The following KCNH8 variants were observed in gnomAD, a reference collection of about 807,000 sequenced individuals.
KCNH8 encodes potassium voltage-gated channel subfamily H member 8.
A neutral mutation model predicts 103.6 loss-of-function variants in KCNH8; 70 were observed. The observed-to-expected ratio is 0.68, with a 90% CI of 0.56 to 0.82. The LOEUF (loss-of-function observed/expected upper bound fraction) is 0.82, where lower values mean the gene tolerates loss of function less well. Among genes scored for constraint, KCNH8 ranks in the 40% least tolerant of loss-of-function variants. KCNH8 has a pLI of 0.00. For missense variants in KCNH8, 1,217 were observed against 1,329.9 expected (o/e 0.92, Z 1.32); for synonymous variants, 498 against 489.4 (o/e 1.02, Z -0.23).
chr3:19,450,963 T>C, intron 9 of KCNH8, 192 bp from the exon 10 acceptor site: 1 of 602,754 alleles, frequency 1.7e-6, no homozygotes, highest in Non-Finnish European at 2.9e-6. Context: ...TATCAGCTGA[T>C]TATTCAGTAG....
chr3:19,152,902 C>T (rs2063144257), intron 1 of KCNH8, among the ~76,000 whole-genome samples: 1 of 151,766 alleles, frequency 6.6e-6, no homozygotes, highest in African/African-American at 2.4e-5. Flanking sequence ...TGCCCCTGCA[C>T]TCCAGCCTGG....
intron 2 of KCNH8, among the ~76,000 whole-genome samples, chr3:19,259,300 A>G (rs1015401691): frequency 3.3e-5 from 5 of 151,790 alleles, no homozygotes; most frequent in Admixed American, 6.6e-5. Flanking sequence ...ACTAACTTCA[A>G]ATAGAAGGCA....
chr3:19,148,650 C>T lies in KCNH8; in HGVS notation c.-70C>T, dbSNP rs2125176066. 1.3e-6 allele frequency: 2 copies of T among 1,490,188 alleles called. No individual in the cohort carries two copies. Among genetic ancestry groups the T allele is most frequent in the East Asian group, 2.3e-5 (1 of 44,380 alleles). 92.3% of individuals were successfully genotyped at this position (1,490,188 alleles called of 1,614,324 possible). On this transcript the variant is annotated 5_prime_UTR_variant, in exon 1 of 16. Coordinates refer to ENST00000328405, the MANE Select transcript of KCNH8 (RefSeq NM_144633.3). ...CGTCATCAGGTTCCCCTTCTCCCTTCTTGGCACTTTCCTTTCGAACCATCC... is the reference window on the plus strand; with the variant it reads ...CGTCATCAGGTTCCCCTTCTCCCTTTTTGGCACTTTCCTTTCGAACCATCC...
chr3:19,414,364 A>G (rs2066830918), intron 7 of KCNH8, among the ~76,000 whole-genome samples: 1 of 152,124 alleles, frequency 6.6e-6, no homozygotes, highest in Admixed American at 6.6e-5. Flanking sequence ...AATTTAAAAT[A>G]GAAAACATAC....
intron 5 of KCNH8, among the ~76,000 whole-genome samples, chr3:19,367,117 A>G (rs1278746203): frequency 1.3e-5 from 2 of 151,792 alleles, no homozygotes; most frequent in Non-Finnish European, 2.9e-5. Context: ...CACTTCCTCA[A>G]CTGTGTCATT....
At chr3:19,156,285 C>G (rs1430948472) in intron 1 of KCNH8, among the ~76,000 whole-genome samples, 2 of 152,096 alleles carry the variant, frequency 1.3e-5, no homozygotes, top group Non-Finnish European at 2.9e-5. Context: ...TCAAAGATGA[C>G]AAAATTCAAG....
chr3:19,288,565 A>C (rs1208001819), intron 3 of KCNH8, among the ~76,000 whole-genome samples: 1 of 152,004 alleles, frequency 6.6e-6, no homozygotes, highest in Admixed American at 6.6e-5. Context: ...TGAACTCATC[A>C]TTTTTTATGG....
rs776487807 is a variant in KCNH8, at chr3:19,451,407, A to G, written c.1825+3A>G. On this transcript the variant is annotated splice_donor_region_variant and intron_variant, in intron 10 of 15. Transcript: ENST00000328405. The stretch of plus-strand genomic sequence containing the variant: ...CAGCATGGTGCTGGCTATTCTTGGT[A>G]GGTCTGAATTGAAAAACTTGTATGA... 1.2e-6 allele frequency: 2 copies of G among 1,610,446 alleles called. No homozygotes were observed. The highest frequency in any genetic ancestry group is 1.7e-6 in the Non-Finnish European group (2 of 1,177,908).
intron 7 of KCNH8, among the ~76,000 whole-genome samples, chr3:19,424,274 T>A (rs2066993381): frequency 1.3e-5 from 2 of 152,084 alleles, no homozygotes; most frequent in Non-Finnish European, 2.9e-5. Context: ...ACACAGACCA[T>A]GGAACAGAAT....
chr3:19,336,214 A>C (rs1339620846), intron 3 of KCNH8, among the ~76,000 whole-genome samples: 3 of 151,768 alleles, frequency 2.0e-5, no homozygotes, highest in African/African-American at 7.2e-5. Flanking sequence ...GATTACATCC[A>C]TTGAGTTTGG....
intron 2 of KCNH8, among the ~76,000 whole-genome samples, chr3:19,256,221 T>C (rs1454455989): frequency 6.6e-6 from 1 of 152,108 alleles, no homozygotes; most frequent in South Asian, 2.1e-4. Flanking sequence ...TCCCCTTTTG[T>C]AAGTTATTTT....
intron 11 of KCNH8, among the ~76,000 whole-genome samples, chr3:19,465,153 A>C (rs1025853032): frequency 6.6e-6 from 1 of 152,232 alleles, no homozygotes. Context: ...GGAATTTCAT[A>C]GCTAGAGAAG....
At position 19,450,173 on chromosome 3, in the gene KCNH8, C is replaced by A. The variant is rs776250132; in HGVS notation, c.1443C>A (p.Ser481=). ...TACAGAGGATGTACTCCAGATGGTC[C>A]CTCTATCACACTAGAACTAAGGATC... ...AIIQRMYSRW[S]LYHTRTKDLK... The change falls in exon 9 of 16, where the codon TCC becomes TCA. Residue 481 remains serine (S), a synonymous_variant. Transcript: ENST00000328405. 31 of 1,613,438 alleles carry A rather than the reference C, an allele frequency of 1.9e-5. No homozygotes were observed. In the African/African-American group the frequency reaches 3.9e-4, roughly 20 times the overall value.
intron 1 of KCNH8, among the ~76,000 whole-genome samples, chr3:19,216,839 C>A (rs1486352708): frequency 6.6e-6 from 1 of 152,184 alleles, no homozygotes; most frequent in African/African-American, 2.4e-5. Context: ...TCTGAGATTG[C>A]AGCAGTATGG....
chr3:19,308,650 GTCTCTCTC>G (rs1163604706), intron 3 of KCNH8, among the ~76,000 whole-genome samples: 11 of 51,362 alleles, frequency 2.1e-4, no homozygotes, highest in East Asian at 1.4e-3. Context: ...GAATGTTGGG[GTCTCTCTC>G]TCTCTCTCTC....
Position 19,493,696 on chromosome 3 carries a change from C to G in KCNH8, c.2041-16667C>G, listed in dbSNP as rs371012960. ...GTTTTCAAGGGGAAGGGTTTTTTAG[C>G]TTTTGCTCATTCCATATGATATTGG... On this transcript the variant is annotated intron_variant, in intron 11 of 15. Transcript: ENST00000328405. Among the ~76,000 whole-genome samples, 61 of 152,160 alleles carry G rather than the reference C, an allele frequency of 4.0e-4. 1 individual carries two copies. The South Asian group carries it at 0.012, about 30-fold the overall frequency.
intron 11 of KCNH8, among the ~76,000 whole-genome samples, chr3:19,497,454 TATTA>T (rs2068467625): frequency 6.6e-6 from 1 of 152,164 alleles, no homozygotes; most frequent in African/African-American, 2.4e-5. Flanking sequence ...TCTTTGTTCT[TATTA>T]GTTTCAAATA....
Position 19,347,750 on chromosome 3 carries a change from T to C in KCNH8, c.596T>C (p.Phe199Ser), listed in dbSNP as rs1388614255. The C allele has an allele frequency of 6.2e-7, 1 of 1,613,010 alleles. No homozygotes were observed. The highest frequency in any genetic ancestry group is 8.5e-7 in the Non-Finnish European group (1 of 1,179,332). The change falls in exon 5 of 16, where the codon TTT becomes TCT. Residue 199 changes from phenylalanine (F) to serine (S), a missense_variant. Coordinates refer to ENST00000328405, the MANE Select transcript of KCNH8 (RefSeq NM_144633.3). ...NNNVFVDKPAFPEYKVSDAKK... is the reference protein window; with the variant it reads ...NNNVFVDKPASPEYKVSDAKK... The stretch of plus-strand genomic sequence containing the variant: ...AATGTTTTTGTAGATAAACCAGCAT[T>C]TCCGGAGTATAAAGTTTCTGATGCA...
intron 1 of KCNH8, among the ~76,000 whole-genome samples, chr3:19,212,494 T>G (rs984406099): frequency 6.6e-6 from 1 of 152,224 alleles, no homozygotes; most frequent in African/African-American, 2.4e-5. Context: ...ATTCTTATCT[T>G]CATTAGAATT....
Sources: gnomAD v4.1 joint callset for allele counts (sites outside exome capture counted in the v4.1 genomes callset) on GRCh38, gnomAD v4.1.1 for gene constraint, MANE v1.5 for transcripts, NCBI Gene and HGNC (gene_info 2026-07-23, HGNC 2026-07-21) for gene names.